Variants in GALNT18 observed in about 807,000 individuals in gnomAD.
GALNT18 encodes GalNAc-transferase 18.
Under a neutral mutation model 69.5 loss-of-function variants are expected in GALNT18, and 44 were observed. The observed-to-expected ratio is 0.63, with a 90% CI of 0.50 to 0.81. The LOEUF is 0.81. GALNT18 is among the 40% of genes least tolerant of loss of function. The probability of loss-of-function intolerance (pLI) is 0.00; values close to 1 mark genes in which losing one functional copy is unlikely to be tolerated. For missense variants in GALNT18, 715 were observed against 810.0 expected (o/e 0.88, Z 1.42); for synonymous variants, 364 against 318.2 (o/e 1.14, Z -1.53).
intron 10 of GALNT18, among the ~76,000 whole-genome samples, chr11:11,271,586 C>T (rs1848828907): frequency 1.3e-5 from 1 of 76,424 alleles, no homozygotes; most frequent in Non-Finnish European, 3.0e-5. Context: ...CCTGTTTGCA[C>T]CTACAGCTCC....
chr11:11,616,713 C>A lies in GALNT18; in HGVS notation c.235+4646G>T, dbSNP rs574209216. Among the ~76,000 whole-genome samples the A allele has an allele frequency of 6.6e-6, 1 of 152,352 alleles. No homozygotes were observed. The highest frequency in any genetic ancestry group is 2.4e-5 in the African/African-American group (1 of 41,582). On this transcript the variant is annotated intron_variant, in intron 1 of 10. Coordinates refer to ENST00000227756, the MANE Select transcript of GALNT18 (RefSeq NM_198516.3). The surrounding 1 kb of genome is among the most constrained non-coding windows in gnomAD (Gnocchi z 4.4). ...GTCTCTAGTACCACTGCCCACAGCTCCTGCAAATAGTTGAGTTTTACACTT... is the reference window on the plus strand; with the variant it reads ...GTCTCTAGTACCACTGCCCACAGCTACTGCAAATAGTTGAGTTTTACACTT...
Position 11,603,138 on chromosome 11 carries a change from T to C in GALNT18, c.235+18221A>G, listed in dbSNP as rs1859673028. Among the ~76,000 whole-genome samples, 1 of 152,242 alleles carries C rather than the reference T, an allele frequency of 6.6e-6. No homozygotes were observed. Among genetic ancestry groups the C allele is most frequent in the African/African-American group, 2.4e-5 (1 of 41,458 alleles). ...TCCCATCAACTACTTCAATTTGTGTTTGGTGCTTCTCCCAAGACAATTTAT... is the reference window on the plus strand; with the variant it reads ...TCCCATCAACTACTTCAATTTGTGTCTGGTGCTTCTCCCAAGACAATTTAT... On this transcript the variant is annotated intron_variant, in intron 1 of 10. Coordinates refer to ENST00000227756, the MANE Select transcript of GALNT18 (RefSeq NM_198516.3). The surrounding 1 kb of genome is among the most constrained non-coding windows in gnomAD (Gnocchi z 4.5).
At chr11:11,310,875 T>C (rs1436003540) in intron 9 of GALNT18, among the ~76,000 whole-genome samples, 1 of 152,200 alleles carries the variant, frequency 6.6e-6, no homozygotes, top group African/African-American at 2.4e-5. Flanking sequence ...TCTGAACACA[T>C]CTCCTTAGGA....
In GALNT18 at chr11:11,441,081, C is replaced by G. The variant is rs951248970; in HGVS notation, c.428+7663G>C. On this transcript the variant is annotated intron_variant, in intron 2 of 10. Transcript: ENST00000227756. Reference sequence around the variant, plus strand: ...TAAATACTTCACTTTCTCAACATCTCTTAAAACCCAATTCTGCAGTTGTGA... The same window carrying G: ...TAAATACTTCACTTTCTCAACATCTGTTAAAACCCAATTCTGCAGTTGTGA... 7.7e-4 allele frequency among the ~76,000 whole-genome samples: 118 copies of G among 152,334 alleles called. 1 individual carries two copies. Among genetic ancestry groups the G allele is most frequent in the African/African-American group, 2.8e-3 (115 of 41,584 alleles).
intron 9 of GALNT18, among the ~76,000 whole-genome samples, chr11:11,297,425 A>G (rs1429402862): frequency 6.6e-6 from 1 of 152,172 alleles, no homozygotes; most frequent in Non-Finnish European, 1.5e-5. Flanking sequence ...CCAAAGTCGC[A>G]CGGTTGGTGA....
At chr11:11,510,802 G>C (rs930550227) in intron 1 of GALNT18, among the ~76,000 whole-genome samples, 2 of 152,146 alleles carry the variant, frequency 1.3e-5, no homozygotes, top group Non-Finnish European at 2.9e-5. Flanking sequence ...TCAGGGCTGG[G>C]CACATTGCAA....
rs1410847307 is a variant in GALNT18 at position 11,621,884 on chromosome 11, C to G, written c.-291G>C. 1 of 322,504 alleles carries G rather than the reference C, an allele frequency of 3.1e-6. No homozygotes were observed. The highest frequency in any genetic ancestry group is 5.7e-6 in the Non-Finnish European group (1 of 175,320). 20.0% of individuals were successfully genotyped at this position (322,504 alleles called of 1,614,324 possible). On this transcript the variant is annotated 5_prime_UTR_variant, in exon 1 of 11. Transcript: ENST00000227756. This position sits in a 1 kb window ranked among gnomAD's most constrained non-coding sequence, Gnocchi z 9.3. ...AGGGGTCACGGGTAGCCGGCAGCCG[C>G]GCGTCCAGATGTGTACGTCTGGGAA...
intron 3 of GALNT18, among the ~76,000 whole-genome samples, chr11:11,425,230 T>C (rs1296389681): frequency 2.0e-5 from 3 of 152,168 alleles, no homozygotes; most frequent in Non-Finnish European, 4.4e-5. Flanking sequence ...GGGAGGTTTC[T>C]AGCAAACATG....
rs1371691673 is a variant in GALNT18, at chr11:11,396,786, T to C, written c.596-17522A>G. Among the ~76,000 whole-genome samples the C allele has an allele frequency of 1.3e-5, 2 of 152,120 alleles. No homozygotes were observed. Among genetic ancestry groups the C allele is most frequent in the South Asian group, 2.1e-4 (1 of 4,814 alleles). ...ACCAGATGGAGGGAGAGAGAGGCTGTATTTCTGGCCCGCACTGCAGCATCA... is the reference window on the plus strand; with the variant it reads ...ACCAGATGGAGGGAGAGAGAGGCTGCATTTCTGGCCCGCACTGCAGCATCA... On this transcript the variant is annotated intron_variant, in intron 3 of 10. Coordinates refer to ENST00000227756, the MANE Select transcript of GALNT18 (RefSeq NM_198516.3). The surrounding 1 kb of genome is among the most constrained non-coding windows in gnomAD (Gnocchi z 5.2).
chr11:11,585,557 T>C (rs564790112), intron 1 of GALNT18, among the ~76,000 whole-genome samples: 30 of 152,184 alleles, frequency 2.0e-4, no homozygotes, highest in African/African-American at 7.2e-4. Context: ...GTTTCTTCCA[T>C]GTTGGTCAGG....
chr11:11,462,995 GT>G (rs1034977378), intron 1 of GALNT18, among the ~76,000 whole-genome samples: 1 of 152,140 alleles, frequency 6.6e-6, no homozygotes, highest in African/African-American at 2.4e-5. Context: ...AACTGTGTTG[GT>G]GCCTGGGTCT....
Position 11,314,754 on chromosome 11 carries a change from T to C in GALNT18, c.1512+12332A>G, listed in dbSNP as rs1183636555. 3.3e-5 allele frequency among the ~76,000 whole-genome samples: 5 copies of C among 152,138 alleles called. No individual in the cohort carries two copies. Among genetic ancestry groups the C allele is most frequent in the Non-Finnish European group, 5.9e-5 (4 of 68,022 alleles). The stretch of plus-strand genomic sequence containing the variant: ...CCTTTGGGCTATGCCCTGTGGAGGC[T>C]GTGGATTCTAAGGAGTCAGTGCTGG... On this transcript the variant is annotated intron_variant, in intron 9 of 10. Transcript: ENST00000227756. This position sits in a 1 kb window ranked among gnomAD's most constrained non-coding sequence, Gnocchi z 5.2.
At chr11:11,313,784 T>C (rs1029002696) in intron 9 of GALNT18, among the ~76,000 whole-genome samples, 2 of 152,226 alleles carry the variant, frequency 1.3e-5, no homozygotes, top group African/African-American at 4.8e-5. Flanking sequence ...CTGTAAAGAA[T>C]AGCAGTGCCT....
At chr11:11,313,608 G>T (rs1177683510) in intron 9 of GALNT18, among the ~76,000 whole-genome samples, 2 of 152,162 alleles carry the variant, frequency 1.3e-5, no homozygotes, top group Non-Finnish European at 2.9e-5. Context: ...AACTTCCTGA[G>T]AGCAGGGGCC....
At chr11:11,285,459 C>A (rs1374317859) in intron 10 of GALNT18, among the ~76,000 whole-genome samples, 1 of 152,138 alleles carries the variant, frequency 6.6e-6, no homozygotes, top group African/African-American at 2.4e-5. Flanking sequence ...TCACCCAGGT[C>A]TGGGTAGTGG....
intron 3 of GALNT18, among the ~76,000 whole-genome samples, chr11:11,394,736 G>C (rs1854284704): frequency 1.3e-5 from 2 of 152,238 alleles, no homozygotes; most frequent in African/African-American, 2.4e-5. Context: ...TCCAGGACAG[G>C]GATAGATATA....
At chr11:11,401,909 C>G (rs994591535) in intron 3 of GALNT18, among the ~76,000 whole-genome samples, 4 of 152,200 alleles carry the variant, frequency 2.6e-5, no homozygotes, top group African/African-American at 9.6e-5. Context: ...TAAGGAAATT[C>G]CCAACAACTA....
At chr11:11,425,274 G>A (rs1385373313) in intron 3 of GALNT18, among the ~76,000 whole-genome samples, 3 of 152,326 alleles carry the variant, frequency 2.0e-5, no homozygotes, top group Admixed American at 1.3e-4. Flanking sequence ...GAGCAAAGGA[G>A]ATCCCTGGTC....
intron 7 of GALNT18, among the ~76,000 whole-genome samples, chr11:11,335,208 C>T (rs1000268891): frequency 6.6e-5 from 10 of 152,166 alleles, no homozygotes; most frequent in African/African-American, 1.7e-4. Context: ...TCCCTCCATA[C>T]GATCGAGTAA....
Sources: allele counts gnomAD v4.1 joint callset (sites outside exome capture counted in the v4.1 genomes callset), GRCh38; gene constraint gnomAD v4.1.1; non-coding constraint Gnocchi (gnomAD v3.1); transcripts MANE v1.5; gene names NCBI Gene and HGNC (gene_info 2026-07-23, HGNC 2026-07-21).